Variants in CSGALNACT1 observed in about 807,000 individuals in gnomAD.
CSGALNACT1 encodes beta4GalNAcT-1.
CSGALNACT1 carries 52 observed loss-of-function variants against 51.0 expected under a neutral mutation model. The ratio of observed to expected loss-of-function variants is 1.02; its 90% CI spans 0.82 to 1.29. The LOEUF (loss-of-function observed/expected upper bound fraction) is 1.29, where lower values mean the gene tolerates loss of function less well. Among genes scored for constraint, CSGALNACT1 ranks in the 50% most tolerant of loss-of-function variants. The pLI, the probability that CSGALNACT1 is intolerant of heterozygous loss-of-function variation, is 0.00. For missense variants in CSGALNACT1, 935 were observed against 679.2 expected (o/e 1.38, Z -4.19); for synonymous variants, 341 against 254.4 (o/e 1.34, Z -3.24).
intron 3 of CSGALNACT1, among the ~76,000 whole-genome samples, chr8:19,558,834 C>T (rs747696049): frequency 7.9e-5 from 12 of 152,088 alleles, no homozygotes; most frequent in Admixed American, 1.3e-4. Flanking sequence ...ATTACCTACA[C>T]GTCATCAACA....
At position 19,666,996 on chromosome 8, in the gene CSGALNACT1, A is replaced by T. The variant is rs867264356; in HGVS notation, c.-544+15477T>A. ...GAAAGAAAGAAAGAAAGAAAGAAAGAAAGAAAGAAAGAAAGAAAGAAAGGA... is the reference window on the plus strand; with the variant it reads ...GAAAGAAAGAAAGAAAGAAAGAAAGTAAGAAAGAAAGAAAGAAAGAAAGGA... On this transcript the variant is annotated intron_variant, in intron 1 of 9. Transcript: ENST00000332246. 2.2e-3 allele frequency among the ~76,000 whole-genome samples: 42 copies of T among 18,876 alleles called. 4 individuals are homozygous for T. Among genetic ancestry groups the T allele is most frequent in the African/African-American group, 0.015 (41 of 2,818 alleles). 12.4% of individuals were successfully genotyped at this position (18,876 alleles called of 152,430 possible). A position where few individuals can be genotyped will look rare whatever the true frequency, so the allele number is the denominator to read the frequency against.
At chr8:19,553,219 C>G (rs1478320251) in intron 3 of CSGALNACT1, among the ~76,000 whole-genome samples, 1 of 151,760 alleles carries the variant, frequency 6.6e-6, no homozygotes, top group Non-Finnish European at 1.5e-5. Flanking sequence ...AAAGAGATTC[C>G]CTAAACAAGA....
At chr8:19,612,770 T>C (rs1416797575) in intron 1 of CSGALNACT1, among the ~76,000 whole-genome samples, 1 of 151,794 alleles carries the variant, frequency 6.6e-6, no homozygotes, top group Non-Finnish European at 1.5e-5. Flanking sequence ...TTCTTTAAAG[T>C]GGCTATTCTC....
At chr8:19,638,746 A>G (rs933437633) in intron 1 of CSGALNACT1, among the ~76,000 whole-genome samples, 38 of 152,190 alleles carry the variant, frequency 2.5e-4, no homozygotes, top group Non-Finnish European at 1.6e-4. Flanking sequence ...CCCTAAGGCT[A>G]GAGACAGAGT....
chr8:19,418,139 C>G (rs1351735279), intron 8 of CSGALNACT1, among the ~76,000 whole-genome samples: 1 of 152,110 alleles, frequency 6.6e-6, no homozygotes. Flanking sequence ...TGTGTGGGAA[C>G]AGTGGCATGA....
At chr8:19,756,553 C>G (rs28428748) in intron 1 of CSGALNACT1, among the ~76,000 whole-genome samples, 19,532 of 151,678 alleles carry the variant, frequency 0.13, 1,374 homozygotes, top group Non-Finnish European at 0.16. Context: ...CTACAGCTTT[C>G]CTCTCCTCCC....
At chr8:19,754,214 G>C (rs1333999606) in intron 1 of CSGALNACT1, among the ~76,000 whole-genome samples, 2 of 152,100 alleles carry the variant, frequency 1.3e-5, no homozygotes, top group South Asian at 4.1e-4. Flanking sequence ...TTTTAGTAGA[G>C]GTGGGGTTTC....
At position 19,514,658 on chromosome 8, in the gene CSGALNACT1, C is replaced by CAA. The variant is rs551285523; in HGVS notation, c.-296-8530_-296-8529dup. Among the ~76,000 whole-genome samples, 603 of 135,620 alleles carry CAA rather than the reference C, an allele frequency of 4.4e-3. 1 individual carries two copies. Among genetic ancestry groups the CAA allele is most frequent in the African/African-American group, 0.015 (552 of 36,562 alleles). The allele number at this position is 135,620 out of a possible 152,430, so 89.0% of individuals were successfully genotyped here. ...CAACATGGTGAAACCCCGTCTCTAC[C>CAA]AAAAAAAAAAAAATACAGAAGAGAA... is the stretch of plus-strand genomic sequence containing the variant. On this transcript the variant is annotated intron_variant, in intron 3 of 9. Transcript: ENST00000454498.
chr8:19,532,164 T>A (rs1162651748), intron 3 of CSGALNACT1: 2 of 129,594 alleles, frequency 1.5e-5, no homozygotes, highest in East Asian at 4.1e-4. Flanking sequence ...GTTTAGCTTT[T>A]GGAAATTAAA....
At chr8:19,467,936 T>C (rs11204044) in intron 4 of CSGALNACT1, among the ~76,000 whole-genome samples, 116,439 of 152,182 alleles carry the variant, frequency 0.77, 44,953 homozygotes, top group East Asian at 0.88. Context: ...CAGTGAGCTG[T>C]GATTGCGCTG....
At chr8:19,491,994 C>CT (rs1258303611) in intron 4 of CSGALNACT1, among the ~76,000 whole-genome samples, 29 of 152,286 alleles carry the variant, frequency 1.9e-4, no homozygotes, top group Admixed American at 1.7e-3. Flanking sequence ...ACACTCTGTG[C>CT]TATTAATAAG....
intron 3 of CSGALNACT1, among the ~76,000 whole-genome samples, chr8:19,562,585 T>TA (rs1486255676): frequency 6.6e-6 from 1 of 151,196 alleles, no homozygotes; most frequent in Admixed American, 6.6e-5. Flanking sequence ...TCCAGAGTCT[T>TA]AAACAAATTT....
intron 3 of CSGALNACT1, among the ~76,000 whole-genome samples, chr8:19,582,472 ATT>A (rs1161819183): frequency 6.6e-6 from 1 of 152,150 alleles, no homozygotes; most frequent in Non-Finnish European, 1.5e-5. Context: ...TAAAACCAAC[ATT>A]TTCTGTAGTT....
At chr8:19,442,650 C>T (rs1276882627) in intron 5 of CSGALNACT1, among the ~76,000 whole-genome samples, 3 of 149,150 alleles carry the variant, frequency 2.0e-5, no homozygotes, top group Admixed American at 6.7e-5. Context: ...AGCACACCAA[C>T]ATGGCACATG....
chr8:19,492,454 T>A (rs969501687), intron 4 of CSGALNACT1, among the ~76,000 whole-genome samples: 11 of 152,218 alleles, frequency 7.2e-5, no homozygotes, highest in African/African-American at 2.4e-4. Flanking sequence ...CAGAAGGCAT[T>A]TTTCTGCATT....
At chr8:19,756,740 C>T (rs374263995) in intron 1 of CSGALNACT1, among the ~76,000 whole-genome samples, 7 of 152,228 alleles carry the variant, frequency 4.6e-5, no homozygotes, top group South Asian at 2.1e-4. Context: ...GCCCCCTCCA[C>T]CCTCTCCATC....
chr8:19,668,937 A>G (rs2059585752), intron 1 of CSGALNACT1, among the ~76,000 whole-genome samples: 1 of 152,236 alleles, frequency 6.6e-6, no homozygotes, highest in Non-Finnish European at 1.5e-5. Context: ...ACCTTTTGAA[A>G]TACTGTAATA....
chr8:19,428,383 G>A lies in CSGALNACT1; in HGVS notation c.954-7865C>T, dbSNP rs115097053. Among the ~76,000 whole-genome samples, 939 of 152,288 alleles carry A rather than the reference G, an allele frequency of 6.2e-3. 9 individuals carry two copies. The highest frequency in any genetic ancestry group is 0.021 in the African/African-American group (889 of 41,542). ...AAAGTCACATCTTACGTGGCGGCAG[G>A]TGAGGGAGAATGAGAACCAAGCAAA... is the stretch of plus-strand genomic sequence containing the variant. On this transcript the variant is annotated intron_variant, in intron 6 of 9. Transcript: ENST00000454498.
upstream of CSGALNACT1, among the ~76,000 whole-genome samples, chr8:19,604,270 G>A (rs2051026489): frequency 6.6e-6 from 1 of 152,174 alleles, no homozygotes; most frequent in African/African-American, 2.4e-5. Flanking sequence ...ACCAGCTAAT[G>A]AGAAGTGGGT....
Sources: allele counts gnomAD v4.1 joint callset (sites outside exome capture counted in the v4.1 genomes callset), GRCh38; gene constraint gnomAD v4.1.1; transcripts MANE v1.5; gene names NCBI Gene and HGNC (gene_info 2026-07-23, HGNC 2026-07-21).